Variants in USF1 observed in about 807,000 individuals in gnomAD.
The protein encoded by USF1 is upstream stimulatory factor 1.
USF1 carries 22 observed loss-of-function variants against 46.3 expected under a neutral mutation model. That is an observed-to-expected ratio of 0.47 (90% CI 0.34 to 0.68). The LOEUF is 0.68. USF1 is among the 30% of genes least tolerant of loss of function. The probability of loss-of-function intolerance (pLI) is 0.01; values close to 1 mark genes in which losing one functional copy is unlikely to be tolerated. For synonymous variants in USF1, 150 were observed against 147.0 expected (o/e 1.02, Z -0.15); for missense variants, 287 against 399.3 (o/e 0.72, Z 2.40).
chr1:161,042,541 GC>G lies in USF1; in HGVS notation c.174+13del, dbSNP rs1361189287. The G allele has an allele frequency of 6.2e-7, 1 of 1,613,366 alleles. No individual in the cohort carries two copies. The highest frequency in any genetic ancestry group is 1.7e-5 in the Admixed American group (1 of 59,934). ...CCCAGATAACACCTGCAGCCACCTG[GC>G]CCCCTCCCTTACCTGGCCCCCATTC... On this transcript the variant is annotated intron_variant, in intron 4 of 10. Coordinates refer to ENST00000368021, the MANE Select transcript of USF1 (RefSeq NM_007122.5).
chr1:161,041,261 CAAAAAAAA>C (rs1181304214), intron 7 of USF1, 55 bp downstream of exon 7: 30 of 668,584 alleles, frequency 4.5e-5, no homozygotes, highest in African/African-American at 1.1e-4. Flanking sequence ...GACTCTGTCT[CAAAAAAAA>C]AAAAAAAAAA....
In USF1 at chr1:161,042,247, G is replaced by A. The variant is rs188724875; in HGVS notation, c.175-30C>T. The A allele has an allele frequency of 5.5e-4, 866 of 1,585,706 alleles. 11 individuals are homozygous for A. The Admixed American group carries it at 0.014, about 25-fold the overall frequency. On this transcript the variant is annotated intron_variant, in intron 4 of 10. Transcript: ENST00000368021. ...AAGTGTAGAGGAAGGCAGAGGGAGTGAAGAGAGAAGAAAAGATTAAGTGTT... is the reference window on the plus strand; with the variant it reads ...AAGTGTAGAGGAAGGCAGAGGGAGTAAAGAGAGAAGAAAAGATTAAGTGTT...
At chr1:161,045,178 A>G (rs1650749351) in intron 1 of USF1, among the ~76,000 whole-genome samples, 1 of 152,128 alleles carries the variant, frequency 6.6e-6, no homozygotes, top group Non-Finnish European at 1.5e-5. Flanking sequence ...AGGCATCTCT[A>G]TTGGCCACAG....
intron 1 of USF1, among the ~76,000 whole-genome samples, chr1:161,043,992 C>A (rs1318126241): frequency 2.9e-5 from 4 of 139,726 alleles, no homozygotes; most frequent in Non-Finnish European, 4.5e-5. Context: ...GTCACCCAGG[C>A]TGGAGTGCAG....
At position 161,042,116 on chromosome 1, in the gene USF1, C is replaced by G; in HGVS notation, c.276G>C (p.Gln92His). 6.2e-7 allele frequency: 1 copy of G among 1,612,662 alleles called. No individual in the cohort carries two copies. Among genetic ancestry groups the G allele is most frequent in the Non-Finnish European group, 8.5e-7 (1 of 1,179,258 alleles). Residue 92 changes from glutamine to histidine, a missense_variant and splice_region_variant, in exon 5 of 11, where the codon CAG becomes CAC. Coordinates refer to ENST00000368021, the MANE Select transcript of USF1 (RefSeq NM_007122.5). ...GACCTCCCCAGCCCATACCCTGTAC[C>G]TGGGTCATGGATTGAGTGGCAGGGT... Reference protein sequence around the residue: ...SGYPATQSMTQAVIQGAFTSD... With the variant: ...SGYPATQSMTHAVIQGAFTSD...
In USF1 at chr1:161,042,160, T is replaced by C. The variant is rs776195438; in HGVS notation, c.232A>G (p.Thr78Ala). ...GCAGGGTAGCCACTGATGGCGCCAG[T>C]TCCCTCAGTTTGGCCATCCAGCTGC... ...EGQLDGQTEG[T>A]GAISGYPATQ... The change falls in exon 5 of 11, where the codon ACT (threonine) becomes GCT (alanine). Residue 78 changes from threonine (T) to alanine (A), a missense_variant. Physicochemically the swap from Thr to Ala is moderately conservative, Grantham distance 58. Transcript: ENST00000368021. The C allele has an allele frequency of 2.5e-6, 4 of 1,613,854 alleles. No homozygotes were observed. The highest frequency in any genetic ancestry group is 3.4e-6 in the Non-Finnish European group (4 of 1,179,940).
chr1:161,042,762 G>C, intron 3 of USF1, 71 bp downstream of exon 3: 1 of 1,612,120 alleles, frequency 6.2e-7, no homozygotes, highest in Non-Finnish European at 8.5e-7. Flanking sequence ...GGATGCACAG[G>C]AGATGGTCTG....
Position 161,041,014 on chromosome 1 carries a change from C to A in USF1, c.561-142G>T, listed in dbSNP as rs1325634028. The A allele has an allele frequency of 4.6e-5, 51 of 1,118,818 alleles. No homozygotes were observed. The East Asian group carries it at 1.3e-3, about 29-fold the overall frequency. The allele number at this position is 1,118,818 out of a possible 1,614,324, so 69.3% of individuals were successfully genotyped here. A position where few individuals can be genotyped will look rare whatever the true frequency, so the allele number is the denominator to read the frequency against. On this transcript the variant is annotated intron_variant, in intron 7 of 10. Coordinates refer to ENST00000368021, the MANE Select transcript of USF1 (RefSeq NM_007122.5). ...TGGTGTCTCACACCTGTAATCCCAG[C>A]ACTTTGGGAGGCCGAGGCAGGCGGA...
At position 161,042,404 on chromosome 1, in the gene USF1, A is replaced by T. The variant is rs1228064867; in HGVS notation, c.174+151T>A. 5 of 975,588 alleles carry T rather than the reference A, an allele frequency of 5.1e-6. No homozygotes were observed. The East Asian group carries it at 1.1e-4, about 21-fold the overall frequency. 60.4% of individuals were successfully genotyped at this position (975,588 alleles called of 1,614,324 possible). On this transcript the variant is annotated intron_variant, in intron 4 of 10. Transcript: ENST00000368021. ...TTCAGCATACATCTAACCTCACACC[A>T]GTCTCTACTCCAGTATTAGCACCTC...
Position 161,041,691 on chromosome 1 carries a change from G to A in USF1, c.432C>T (p.Gly144=), listed in dbSNP as rs534538962. The A allele has an allele frequency of 3.1e-6, 5 of 1,613,786 alleles. No individual in the cohort carries two copies. In the South Asian group the frequency reaches 3.3e-5, roughly 11 times the overall value. The change falls in exon 6 of 11, where the codon GGC becomes GGT. Residue 144 remains glycine, a synonymous_variant. Coordinates refer to ENST00000368021, the MANE Select transcript of USF1 (RefSeq NM_007122.5). ...TCGCCTGCCCCAGCAGTGCCTCTGA[G>A]CCCTGGGTAGTAACAACAGCAGCTG... ...GSTAAVVTTQ[G]SEALLGQATP...
At chr1:161,041,586 C>T (rs998063825) in intron 6 of USF1, 65 bp downstream of exon 6, 2 of 1,556,398 alleles carry the variant, frequency 1.3e-6, no homozygotes, top group Admixed American at 1.8e-5. Flanking sequence ...AGGCTCACTG[C>T]CTACCAGTCA....
rs767978606 is a variant in USF1, at chr1:161,043,234, C to T, written c.8+34G>A. The T allele has an allele frequency of 1.9e-6, 3 of 1,614,208 alleles. No individual in the cohort carries two copies. In the South Asian group the frequency reaches 3.3e-5, roughly 18 times the overall value. ...TTTTGCATTCTTCCAGGCCACCCAT[C>T]TTTCATCCCAGACCCTACCTCTTCT... is the stretch of plus-strand genomic sequence containing the variant. On this transcript the variant is annotated intron_variant, in intron 2 of 10. Coordinates refer to ENST00000368021, the MANE Select transcript of USF1 (RefSeq NM_007122.5).
intron 2 of USF1, 107 bp downstream of exon 2, chr1:161,043,161 G>C: frequency 6.3e-7 from 1 of 1,585,238 alleles, no homozygotes; most frequent in Non-Finnish European, 8.7e-7. Flanking sequence ...TGATAGAGTA[G>C]AACCTGAATC....
In USF1 at chr1:161,042,894, G is replaced by A. The variant is rs1339375189; in HGVS notation, c.9-12C>T. ...CTGTTTTCTGCTGCCTGTTTGTGGT[G>A]AAAGGACAAAAGGAAGAGTATGAGA... On this transcript the variant is annotated splice_polypyrimidine_tract_variant and intron_variant, in intron 2 of 10. Transcript: ENST00000368021. 2 of 1,614,148 alleles carry A rather than the reference G, an allele frequency of 1.2e-6. No homozygotes were observed. The highest frequency in any genetic ancestry group is 1.7e-6 in the Non-Finnish European group (2 of 1,180,036).
Position 161,040,074 on chromosome 1 carries a change from G to C in USF1, c.844-65C>G. The C allele has an allele frequency of 6.2e-7, 1 of 1,611,540 alleles. No individual in the cohort carries two copies. Among genetic ancestry groups the C allele is most frequent in the South Asian group, 1.1e-5 (1 of 90,972 alleles). ...AGCTGGCACTTCCAAGCCCCTGAAT[G>C]TATTCAGACATCCACTGGTGAGGGG... On this transcript the variant is annotated intron_variant, in intron 10 of 10. Coordinates refer to ENST00000368021, the MANE Select transcript of USF1 (RefSeq NM_007122.5). This position sits in a 1 kb window ranked among gnomAD's most constrained non-coding sequence, Gnocchi z 4.0.
intron 1 of USF1, among the ~76,000 whole-genome samples, chr1:161,043,620 CTTTTTTT>C (rs34611572): frequency 2.5e-5 from 3 of 119,602 alleles, no homozygotes; most frequent in Non-Finnish European, 1.8e-5. Context: ...AGAAACAACA[CTTTTTTT>C]TTTTTTTTTT....
rs1650528023 is a variant in USF1, at chr1:161,040,947, C to T, written c.561-75G>A. ...TGAAGTTTGGGGTTAAGGAATTATA[C>T]AAGATTTAGCAGGTATTAGGACCAC... On this transcript the variant is annotated intron_variant, in intron 7 of 10. Coordinates refer to ENST00000368021, the MANE Select transcript of USF1 (RefSeq NM_007122.5). This position sits in a 1 kb window ranked among gnomAD's most constrained non-coding sequence, Gnocchi z 4.0. 4 of 1,589,836 alleles carry T rather than the reference C, an allele frequency of 2.5e-6. No individual in the cohort carries two copies. Among genetic ancestry groups the T allele is most frequent in the Non-Finnish European group, 3.4e-6 (4 of 1,163,018 alleles).
rs757085941 is a variant in USF1, at chr1:161,041,758, G to A, written c.365C>T (p.Thr122Met). The A allele has an allele frequency of 6.2e-6, 10 of 1,614,106 alleles. No individual in the cohort carries two copies. In the East Asian group the frequency reaches 8.9e-5, roughly 14 times the overall value. ...AETHYTYFPS[T>M]AVGDGAGGTT... ...ACCCCCTGCCCCATCTCCCACTGCC[G>A]TGCTGGGGAAGTAAGTATAGTGCGT... The change falls in exon 6 of 11, where the codon ACG (threonine) becomes ATG (methionine). Residue 122 changes from threonine (T) to methionine (M), a missense_variant. Physicochemically the swap from Thr to Met is moderately conservative, Grantham distance 81 (BLOSUM62 -1). Coordinates refer to ENST00000368021, the MANE Select transcript of USF1 (RefSeq NM_007122.5).
In USF1 at chr1:161,040,143, C is replaced by T; in HGVS notation, c.843+59G>A. 1 of 1,610,672 alleles carries T rather than the reference C, an allele frequency of 6.2e-7. No individual in the cohort carries two copies. Among genetic ancestry groups the T allele is most frequent in the Non-Finnish European group, 8.5e-7 (1 of 1,177,590 alleles). ...CCATGGAGAACAAAGTAGAGGGTGT[C>T]AAACTGGGTCAGTGGCTAGCAGAAC... On this transcript the variant is annotated intron_variant, in intron 10 of 10. Transcript: ENST00000368021. This position sits in a 1 kb window ranked among gnomAD's most constrained non-coding sequence, Gnocchi z 4.0.
Sources: gnomAD v4.1 joint callset for allele counts (sites outside exome capture counted in the v4.1 genomes callset) on GRCh38, gnomAD v4.1.1 for gene constraint, Gnocchi (gnomAD v3.1) non-coding constraint, MANE v1.5 for transcripts, NCBI Gene and HGNC (gene_info 2026-07-23, HGNC 2026-07-21) for gene names.